The following LRRC37A2 variants were observed in gnomAD, a reference collection of about 807,000 sequenced individuals.
The protein encoded by LRRC37A2 is leucine rich repeat containing 37 member A2, also known as leucine-rich repeat-containing protein 37A2.
Under a neutral mutation model 68.8 loss-of-function variants are expected in LRRC37A2, and 9 were observed. The ratio of observed to expected loss-of-function variants is 0.13; its 90% confidence interval spans 0.08 to 0.23. The LOEUF is 0.23. Among genes scored for constraint, LRRC37A2 ranks in the 10% least tolerant of loss-of-function variants. LRRC37A2 has a pLI of 1.00. For synonymous variants in LRRC37A2, 63 were observed against 367.6 expected, an observed-to-expected ratio of 0.17 and a Z score of 9.48; for missense variants, 168 against 950.4, an observed-to-expected ratio of 0.18 and a Z score of 10.82.
At chr17:46,541,379 G>A (rs973701251) in intron 8 of LRRC37A2, among the ~76,000 whole-genome samples, 1 of 148,438 alleles carries the variant, frequency 6.7e-6, no homozygotes, top group African/African-American at 2.6e-5. Flanking sequence ...AGCCTTCCGA[G>A]TAGCTGGGAT....
At chr17:46,871,118 A>T in the LRRC37A2 span, among the ~76,000 whole-genome samples, 3 of 151,854 alleles carry the variant, frequency 2.0e-5, no homozygotes, top group East Asian at 5.8e-4. Flanking sequence ...GCTGTCACAC[A>T]GGCTGCTCTC....
At chr17:46,968,088 C>T in the LRRC37A2 span, among the ~76,000 whole-genome samples, 5 of 152,082 alleles carry the variant, frequency 3.3e-5, no homozygotes, top group Non-Finnish European at 7.4e-5. Flanking sequence ...GGGCATATGG[C>T]ATGGCCCAGT....
chr17:46,978,703 A>G, the LRRC37A2 span: 2 of 1,611,932 alleles, frequency 1.2e-6, no homozygotes, highest in Non-Finnish European at 1.7e-6. Flanking sequence ...CTCCTGCACC[A>G]GAAAGTTGAT....
chr17:46,851,627 G>A, the LRRC37A2 span: 3 of 1,256,710 alleles, frequency 2.4e-6, no homozygotes, highest in Non-Finnish European at 1.0e-6. This position sits in a 1 kb window ranked among gnomAD's most constrained non-coding sequence, Gnocchi z 4.3. Context: ...AGGGCGCAGC[G>A]CCGCCAGCAC....
chr17:46,836,676 A>C, the LRRC37A2 span, among the ~76,000 whole-genome samples: 2 of 152,308 alleles, frequency 1.3e-5, no homozygotes, highest in South Asian at 4.1e-4. Context: ...AATGAAACCC[A>C]CTGTGGAGAA....
At chr17:46,905,796 G>A in the LRRC37A2 span, among the ~76,000 whole-genome samples, 4 of 99,252 alleles carry the variant, frequency 4.0e-5, no homozygotes, top group African/African-American at 1.3e-4. Flanking sequence ...GTGTGTGTGT[G>A]TGTGTGTGTG....
chr17:46,689,905 AG>A, the LRRC37A2 span, among the ~76,000 whole-genome samples: 1 of 151,050 alleles, frequency 6.6e-6, no homozygotes, highest in Non-Finnish European at 1.5e-5. Flanking sequence ...TTGTAATCGC[AG>A]CACTTTGGGA....
the LRRC37A2 span, among the ~76,000 whole-genome samples, chr17:47,028,847 T>G: frequency 6.6e-6 from 1 of 151,032 alleles, no homozygotes; most frequent in Admixed American, 6.6e-5. Context: ...TGCAGACATT[T>G]AAGCAGTTAG....
At chr17:46,970,831 C>T in the LRRC37A2 span, among the ~76,000 whole-genome samples, 6 of 152,222 alleles carry the variant, frequency 3.9e-5, no homozygotes, top group Admixed American at 3.9e-4. Flanking sequence ...TCATCATACA[C>T]TGATAAGTGA....
chr17:46,779,103 A>ACACACACACCCC, the LRRC37A2 span, among the ~76,000 whole-genome samples: 103 of 133,638 alleles, frequency 7.7e-4, 5 homozygotes, highest in East Asian at 7.4e-3. Context: ...ACACACACAC[A>ACACACACACCCC]CCCCAGCCCA....
the LRRC37A2 span, chr17:46,875,314 A>G: frequency 6.2e-7 from 1 of 1,613,628 alleles, no homozygotes; most frequent in African/African-American, 1.3e-5. Context: ...AAGAGAGGAA[A>G]CAAGGACCTG....
At chr17:46,791,247 C>A in the LRRC37A2 span, among the ~76,000 whole-genome samples, 1 of 151,888 alleles carries the variant, frequency 6.6e-6, no homozygotes, top group Non-Finnish European at 1.5e-5. Flanking sequence ...AGAGTCTCGC[C>A]CTGTCACCCA....
chr17:46,877,245 C>A, the LRRC37A2 span, among the ~76,000 whole-genome samples: 1 of 152,188 alleles, frequency 6.6e-6, no homozygotes, highest in African/African-American at 2.4e-5. Context: ...CTCCACCACT[C>A]CCCTGGTTTT....
the LRRC37A2 span, among the ~76,000 whole-genome samples, chr17:47,038,995 G>C: frequency 2.0e-5 from 3 of 148,828 alleles, 1 homozygote; most frequent in African/African-American, 7.3e-5. Flanking sequence ...CGCCCAACCA[G>C]TGCTTTTTAT....
the LRRC37A2 span, among the ~76,000 whole-genome samples, chr17:46,962,546 G>C: frequency 6.6e-6 from 1 of 152,192 alleles, no homozygotes; most frequent in African/African-American, 2.4e-5. Context: ...GCACTTTTGG[G>C]AAGAAAGCTG....
At chr17:47,038,340 A>G in the LRRC37A2 span, among the ~76,000 whole-genome samples, 1 of 150,684 alleles carries the variant, frequency 6.6e-6, no homozygotes, top group South Asian at 2.1e-4. Flanking sequence ...TTGTGGCCAG[A>G]TGCAGTGGTG....
chr17:46,837,832 TACACCACATATGAGG>T, the LRRC37A2 span, among the ~76,000 whole-genome samples: 3 of 152,194 alleles, frequency 2.0e-5, no homozygotes, highest in Non-Finnish European at 4.4e-5. Context: ...TGCAAAAGGT[TACACCACATATGAGG>T]ACACTGTGCA....
the LRRC37A2 span, among the ~76,000 whole-genome samples, chr17:47,006,045 G>A: frequency 2.0e-5 from 3 of 151,978 alleles, no homozygotes; most frequent in South Asian, 2.1e-4. Context: ...GGTGGCAGGC[G>A]CCTGTAATCC....
At chr17:46,940,311 C>T in the LRRC37A2 span, 3 of 1,442,072 alleles carry the variant, frequency 2.1e-6, no homozygotes, top group South Asian at 1.5e-5. Context: ...CCCAGGTTTC[C>T]AAGGAAGGAG....
Sources: allele counts gnomAD v4.1 joint callset (sites outside exome capture counted in the v4.1 genomes callset), GRCh38; gene constraint gnomAD v4.1.1; non-coding constraint Gnocchi (gnomAD v3.1); transcripts MANE v1.5; gene names NCBI Gene and HGNC (gene_info 2026-07-23, HGNC 2026-07-21).